The following FXN variants were observed in gnomAD, a reference collection of about 807,000 sequenced individuals.
FXN encodes frataxin, also known as frataxin, mitochondrial.
A neutral mutation model predicts 22.4 loss-of-function variants in FXN; 14 were observed. The observed-to-expected ratio is 0.62, with a 90% CI of 0.41 to 0.98. The LOEUF (loss-of-function observed/expected upper bound fraction) is 0.98, where lower values mean the gene tolerates loss of function less well. Ranked by LOEUF, FXN falls within the 50% of genes least tolerant of loss-of-function variation. The pLI is 0.00. For synonymous variants in FXN, 120 were observed against 114.1 expected (o/e 1.05, Z -0.33); for missense variants, 267 against 268.4 (o/e 0.99, Z 0.04).
At chr9:69,047,780 C>T (rs1044457580) in intron 2 of FXN, among the ~76,000 whole-genome samples, 24 of 152,044 alleles carry the variant, frequency 1.6e-4, no homozygotes, top group African/African-American at 2.7e-4. Flanking sequence ...TGCAGTGGTG[C>T]GATCTCGGCT....
chr9:69,052,819 G>A (rs778046313), intron 2 of FXN, among the ~76,000 whole-genome samples: 8 of 151,878 alleles, frequency 5.3e-5, no homozygotes, highest in Admixed American at 1.3e-4. Context: ...TGGGATTACA[G>A]GCATGAGCTA....
rs1832392621 is a variant in FXN, at chr9:69,077,526, C to G, written c.*4764C>G. ...TTTCTTCTCCTGTGGAAAGTCAGAC[C>G]TCTGAGGCCCCATCCAGGTAGAAGT... is the stretch of plus-strand genomic sequence containing the variant. On this transcript the variant is annotated 3_prime_UTR_variant, in exon 5 of 5. Coordinates refer to ENST00000484259, the MANE Select transcript of FXN (RefSeq NM_000144.5). The G allele has an allele frequency of 1.0e-6, 1 of 985,346 alleles. No individual in the cohort carries two copies. Among genetic ancestry groups the G allele is most frequent in the Non-Finnish European group, 1.2e-6 (1 of 829,948 alleles). 61.0% of individuals were successfully genotyped at this position (985,346 alleles called of 1,614,324 possible).
chr9:69,073,963 C>T lies in FXN; in HGVS notation c.*1201C>T. 2.9e-6 allele frequency: 2 copies of T among 695,732 alleles called. No individual in the cohort carries two copies. Among genetic ancestry groups the T allele is most frequent in the Non-Finnish European group, 3.5e-6 (2 of 565,998 alleles). 43.1% of individuals were successfully genotyped at this position (695,732 alleles called of 1,614,324 possible). A position where few individuals can be genotyped will look rare whatever the true frequency, so the allele number is the denominator to read the frequency against. ...CTTTTGGAGGCCAAGGTGGGTGGAT[C>T]ACCTGAGGTCAGGAGTTCAAGACCA... On this transcript the variant is annotated 3_prime_UTR_variant, in exon 5 of 5. Transcript: ENST00000484259.
intron 2 of FXN, among the ~76,000 whole-genome samples, chr9:69,052,508 C>A (rs1191643146): frequency 1.4e-5 from 2 of 144,514 alleles, no homozygotes; most frequent in Admixed American, 7.0e-5. Flanking sequence ...CTGCCTGCTT[C>A]TTTCTGTAAC....
rs1832345452 is a variant in FXN, at chr9:69,075,304, T to TA, written c.*2548dup. ...AAAATCCCGTCTCTACTAAAAATAT[T>TA]AAAAAATTGGCTGGGCGTGGTGGTT... On this transcript the variant is annotated 3_prime_UTR_variant, in exon 5 of 5. Coordinates refer to ENST00000484259, the MANE Select transcript of FXN (RefSeq NM_000144.5). 1 of 648,768 alleles carries TA rather than the reference T, an allele frequency of 1.5e-6. No homozygotes were observed. The highest frequency in any genetic ancestry group is 1.9e-6 in the Non-Finnish European group (1 of 523,126). 40.2% of individuals were successfully genotyped at this position (648,768 alleles called of 1,614,324 possible).
chr9:69,066,570 C>G (rs1832168597), intron 4 of FXN, among the ~76,000 whole-genome samples: 1 of 152,150 alleles, frequency 6.6e-6, no homozygotes, highest in African/African-American at 2.4e-5. Context: ...TGGCCTCAGT[C>G]ATTCTTCCTG....
intron 2 of FXN, among the ~76,000 whole-genome samples, chr9:69,046,888 C>CT (rs1221957459): frequency 2.6e-5 from 4 of 152,174 alleles, no homozygotes; most frequent in Admixed American, 1.3e-4. Context: ...CCAGTTTGGT[C>CT]TTTATCTGTC....
rs574471677 is a variant in FXN at position 69,036,048 on chromosome 9, A to G, written c.165+101A>G. On this transcript the variant is annotated intron_variant, in intron 1 of 4. Coordinates refer to ENST00000484259, the MANE Select transcript of FXN (RefSeq NM_000144.5). ...CGCGCACGCCGGGGTCGCTCCGGGT[A>G]CGCGCGCTGGACTAGCTCACCCCGC... The G allele has an allele frequency of 1.9e-3, 2,035 of 1,071,530 alleles. 3 individuals are homozygous for G. Among genetic ancestry groups the G allele is most frequent in the Middle Eastern group, 0.019 (51 of 2,740 alleles). The allele number at this position is 1,071,530 out of a possible 1,614,324, so 66.4% of individuals were successfully genotyped here.
At chr9:69,060,204 T>C (rs528457311) in intron 3 of FXN, among the ~76,000 whole-genome samples, 6 of 151,774 alleles carry the variant, frequency 4.0e-5, no homozygotes, top group Non-Finnish European at 5.9e-5. Flanking sequence ...CCGTCTCTAC[T>C]AAAAAAATAC....
chr9:69,071,383 C>G, intron 4 of FXN: 2 of 475,956 alleles, frequency 4.2e-6, no homozygotes, highest in East Asian at 5.7e-5. Flanking sequence ...CTCATCCTAG[C>G]CTCAGTCTTT....
intron 1 of FXN, 36 bp from the exon 2 acceptor site, chr9:69,046,349 A>AAAAAT: frequency 6.6e-7 from 1 of 1,504,880 alleles, no homozygotes; most frequent in Admixed American, 1.7e-5. Context: ...TAATTCACTG[A>AAAAAT]AAAATAGTAA....
In FXN at chr9:69,075,992, A is replaced by G. The variant is rs1451289145; in HGVS notation, c.*3230A>G. The G allele has an allele frequency of 2.0e-5, 20 of 981,382 alleles. No individual in the cohort carries two copies. Among genetic ancestry groups the G allele is most frequent in the Non-Finnish European group, 2.4e-5 (20 of 826,436 alleles). The allele number at this position is 981,382 out of a possible 1,614,324, so 60.8% of individuals were successfully genotyped here. On this transcript the variant is annotated 3_prime_UTR_variant, in exon 5 of 5. Coordinates refer to ENST00000484259, the MANE Select transcript of FXN (RefSeq NM_000144.5). ...GATGCTGGGATTACAGGTGTGTGCCACAGGTGTTCATCAGAAAGCTTTTTC... is the reference window on the plus strand; with the variant it reads ...GATGCTGGGATTACAGGTGTGTGCCGCAGGTGTTCATCAGAAAGCTTTTTC...
chr9:69,049,207 T>G (rs1831810601), intron 2 of FXN, among the ~76,000 whole-genome samples: 1 of 152,210 alleles, frequency 6.6e-6, no homozygotes, highest in African/African-American at 2.4e-5. Flanking sequence ...CACTTTGGAC[T>G]TTATAACTGT....
At chr9:69,042,764 C>T (rs1435939399) in intron 1 of FXN, among the ~76,000 whole-genome samples, 1 of 152,124 alleles carries the variant, frequency 6.6e-6, no homozygotes, top group African/African-American at 2.4e-5. Flanking sequence ...TTTGAGGGGC[C>T]AGGATCCTGG....
chr9:69,074,531 AAAG>A lies in FXN; in HGVS notation c.*1770_*1772del, dbSNP rs200175861. On this transcript the variant is annotated 3_prime_UTR_variant, in exon 5 of 5. Transcript: ENST00000484259. ...CGAGACTCCGTCTCAAAAAAAAAAAAAAGGAGGGTTTATTAATGAGAAGTTTGT... is the reference window on the plus strand; with the variant it reads ...CGAGACTCCGTCTCAAAAAAAAAAAAGAGGGTTTATTAATGAGAAGTTTGT... 0.01 allele frequency: 8,636 copies of A among 850,290 alleles called. 1 individual carries two copies. Among genetic ancestry groups the A allele is most frequent in the South Asian group, 0.012 (217 of 17,594 alleles). 52.7% of individuals were successfully genotyped at this position (850,290 alleles called of 1,614,324 possible). A position where few individuals can be genotyped will look rare whatever the true frequency, so the allele number is the denominator to read the frequency against.
chr9:69,063,487 G>A (rs1832112854), intron 3 of FXN, among the ~76,000 whole-genome samples: 1 of 152,124 alleles, frequency 6.6e-6, no homozygotes, highest in Admixed American at 6.6e-5. Flanking sequence ...TAGGAACCGA[G>A]TAAATAGTGG....
chr9:69,073,885 AAAT>A lies in FXN; in HGVS notation c.*1128_*1130del. On this transcript the variant is annotated 3_prime_UTR_variant, in exon 5 of 5. Transcript: ENST00000484259. ...CGTGATTTCAGTTGAATTCATGTGAAAATAATAGCCATCCTTGGCCTGGCGCGG... is the reference window on the plus strand; with the variant it reads ...CGTGATTTCAGTTGAATTCATGTGAAAATAGCCATCCTTGGCCTGGCGCGG... 1.0e-6 allele frequency: 1 copy of A among 985,326 alleles called. No homozygotes were observed. Among genetic ancestry groups the A allele is most frequent in the Non-Finnish European group, 1.2e-6 (1 of 829,890 alleles). The allele number at this position is 985,326 out of a possible 1,614,324, so 61.0% of individuals were successfully genotyped here. A position where few individuals can be genotyped will look rare whatever the true frequency, so the allele number is the denominator to read the frequency against.
Position 69,036,816 on chromosome 9 carries a change from G to A in FXN, c.165+869G>A, listed in dbSNP as rs1295567649. 2.0e-5 allele frequency among the ~76,000 whole-genome samples: 3 copies of A among 152,324 alleles called. No homozygotes were observed. In the East Asian group the frequency reaches 5.8e-4, roughly 29 times the overall value. ...ACCCAAAGAATGGCTGTGGGGATGA[G>A]GAAGATTCCTCAAGGGGAGGACATG... is the stretch of plus-strand genomic sequence containing the variant. On this transcript the variant is annotated intron_variant, in intron 1 of 4. Transcript: ENST00000484259.
At chr9:69,051,870 G>A (rs946697357) in intron 2 of FXN, among the ~76,000 whole-genome samples, 1 of 152,152 alleles carries the variant, frequency 6.6e-6, no homozygotes, top group Non-Finnish European at 1.5e-5. Flanking sequence ...TCTTTGAGAC[G>A]GAGTTTTGCT....
Sources: gnomAD v4.1 joint callset for allele counts (sites outside exome capture counted in the v4.1 genomes callset) on GRCh38, gnomAD v4.1.1 for gene constraint, MANE v1.5 for transcripts, NCBI Gene and HGNC (gene_info 2026-07-23, HGNC 2026-07-21) for gene names.